EPHB1: variants seen among roughly 807,000 people sequenced by gnomAD.
EPHB1 encodes ephrin type-B receptor 1.
A neutral mutation model predicts 94.4 loss-of-function variants in EPHB1; 30 were observed. That is an observed-to-expected ratio of 0.32 (90% CI 0.24 to 0.43). The LOEUF (loss-of-function observed/expected upper bound fraction) is 0.43. EPHB1 is among the 20% of genes least tolerant of loss of function. The pLI is 1.00. For missense variants in EPHB1, 1,055 were observed against 1,308.3 expected, an observed-to-expected ratio of 0.81 and a Z score of 2.99; for synonymous variants, 522 against 489.1, an observed-to-expected ratio of 1.07 and a Z score of -0.89.
At chr3:135,182,466 G>T (rs1700213512) in intron 10 of EPHB1, among the ~76,000 whole-genome samples, 1 of 152,026 alleles carries the variant, frequency 6.6e-6, no homozygotes, top group South Asian at 2.1e-4. Context: ...GCTGGATGTG[G>T]AGTTCCAGAG....
chr3:134,833,451 G>A (rs1191620527), intron 1 of EPHB1, among the ~76,000 whole-genome samples: 2 of 152,208 alleles, frequency 1.3e-5, no homozygotes, highest in Non-Finnish European at 2.9e-5. Flanking sequence ...GGGTGGTTAG[G>A]TTTTATGGCG....
intron 10 of EPHB1, among the ~76,000 whole-genome samples, chr3:135,192,306 C>CAAACTCACATATATTCTGAAATTCCACTT (rs1243078427): frequency 1.3e-5 from 2 of 152,300 alleles, no homozygotes; most frequent in African/African-American, 4.8e-5. Context: ...TGGGGAAAAA[C>CAAACTCACATATATTCTGAAATTCCACTT]AAACTCACAT....
rs2107700030 is a variant in EPHB1 at position 135,166,969 on chromosome 3, G to A, written c.1722G>A (p.Val574=). 6.2e-7 allele frequency: 1 copy of A among 1,614,164 alleles called. No individual in the cohort carries two copies. Among genetic ancestry groups the A allele is most frequent in the South Asian group, 1.1e-5 (1 of 91,064 alleles). The part of the protein sequence containing the change: ...SRKRAYSKEA[V]YSDKLQHYST... ...AACGGGCTTATAGCAAAGAGGCTGTGTACAGCGATAAGCTCCAGCATTACA... is the reference window on the plus strand; with the variant it reads ...AACGGGCTTATAGCAAAGAGGCTGTATACAGCGATAAGCTCCAGCATTACA... Residue 574 remains valine (V), a synonymous_variant, in exon 9 of 16, where the codon GTG becomes GTA. Coordinates refer to ENST00000398015, the MANE Select transcript of EPHB1 (RefSeq NM_004441.5).
intron 3 of EPHB1, among the ~76,000 whole-genome samples, chr3:134,987,020 G>T (rs1934624424): frequency 6.6e-6 from 1 of 152,070 alleles, no homozygotes; most frequent in Non-Finnish European, 1.5e-5. Flanking sequence ...AGAATGAAGG[G>T]CATCCCTTTC....
At chr3:135,242,522 A>G (rs1331552258) in intron 13 of EPHB1, among the ~76,000 whole-genome samples, 1 of 152,168 alleles carries the variant, frequency 6.6e-6, no homozygotes, top group African/African-American at 2.4e-5. Context: ...GGGTACTTCT[A>G]TGACAGTACT....
At chr3:135,115,623 G>A (rs143697001) in intron 4 of EPHB1, among the ~76,000 whole-genome samples, 16 of 152,032 alleles carry the variant, frequency 1.1e-4, no homozygotes, top group East Asian at 7.7e-4. Context: ...AGGTGTGTCC[G>A]ATGCAGTCAA....
chr3:134,817,322 T>C (rs1399504872), intron 1 of EPHB1, among the ~76,000 whole-genome samples: 1 of 152,210 alleles, frequency 6.6e-6, no homozygotes, highest in Non-Finnish European at 1.5e-5. Flanking sequence ...CCTGCAATTC[T>C]AGTCGTCACA....
intron 2 of EPHB1, among the ~76,000 whole-genome samples, chr3:134,936,961 T>C (rs2039016823): frequency 6.6e-6 from 1 of 152,204 alleles, no homozygotes; most frequent in Admixed American, 6.5e-5. Context: ...AAGGCCAGAC[T>C]GATGTCTGCC....
intron 13 of EPHB1, among the ~76,000 whole-genome samples, chr3:135,247,552 G>A (rs988499511): frequency 6.6e-6 from 1 of 152,058 alleles, no homozygotes; most frequent in African/African-American, 2.4e-5. Flanking sequence ...AAGATGTACT[G>A]GATGAAAAAA....
At chr3:135,234,597 T>C (rs985179488) in intron 12 of EPHB1, among the ~76,000 whole-genome samples, 1 of 152,224 alleles carries the variant, frequency 6.6e-6, no homozygotes, top group Non-Finnish European at 1.5e-5. Flanking sequence ...AATAAAGACA[T>C]ACCCAAGACA....
At chr3:135,136,565 A>C (rs1940627330) in intron 5 of EPHB1, among the ~76,000 whole-genome samples, 1 of 152,226 alleles carries the variant, frequency 6.6e-6, no homozygotes, top group African/African-American at 2.4e-5. Flanking sequence ...TTTGCTCAGC[A>C]TCTCACAGCC....
At chr3:135,096,975 A>G (rs1479511991) in intron 3 of EPHB1, among the ~76,000 whole-genome samples, 3 of 151,852 alleles carry the variant, frequency 2.0e-5, no homozygotes, top group Non-Finnish European at 4.4e-5. Flanking sequence ...ACATGCCTGT[A>G]GTCCCAGCTA....
At chr3:135,166,420 T>TAAGAGAGCTCAGGCTCTCAGCAGCC (rs1941654307) in intron 8 of EPHB1, among the ~76,000 whole-genome samples, 1 of 152,052 alleles carries the variant, frequency 6.6e-6, no homozygotes, top group African/African-American at 2.4e-5. Flanking sequence ...ATCCTCCAGT[T>TAAGAGAGCTCAGGCTCTCAGCAGCC]AAGAGAGCTC....
intron 1 of EPHB1, among the ~76,000 whole-genome samples, chr3:134,850,582 C>A (rs1260453718): frequency 6.6e-6 from 1 of 152,134 alleles, no homozygotes. Context: ...AAGTGTGGGG[C>A]AGGAAGAGGC....
intron 12 of EPHB1, among the ~76,000 whole-genome samples, chr3:135,220,237 C>A (rs7652425): frequency 0.66 from 99,727 of 152,012 alleles, 33,902 homozygotes; most frequent in Middle Eastern, 0.76. Context: ...AGGGAAAGAC[C>A]AGGGCATGGC....
At chr3:135,012,673 A>T (rs1559794578) in intron 3 of EPHB1, among the ~76,000 whole-genome samples, 1 of 152,268 alleles carries the variant, frequency 6.6e-6, no homozygotes, top group East Asian at 1.9e-4. Context: ...TGGCTAATAG[A>T]GGGATACATG....
intron 3 of EPHB1, among the ~76,000 whole-genome samples, chr3:135,035,067 A>T (rs1385111394): frequency 1.3e-5 from 2 of 152,208 alleles, no homozygotes; most frequent in African/African-American, 4.8e-5. Flanking sequence ...GCTCATAGTC[A>T]TTTCTCAGGC....
At chr3:135,039,629 A>G (rs1264125211) in intron 3 of EPHB1, among the ~76,000 whole-genome samples, 1 of 152,220 alleles carries the variant, frequency 6.6e-6, no homozygotes, top group Non-Finnish European at 1.5e-5. Flanking sequence ...GTGGGCCGGC[A>G]CTGCTGGTGG....
chr3:135,188,443 C>T (rs952129403), intron 10 of EPHB1, among the ~76,000 whole-genome samples: 2 of 151,954 alleles, frequency 1.3e-5, no homozygotes, highest in African/African-American at 4.8e-5. Flanking sequence ...TGCAGTGAGT[C>T]GAGATCACGC....
Sources: allele counts gnomAD v4.1 joint callset (sites outside exome capture counted in the v4.1 genomes callset), GRCh38; gene constraint gnomAD v4.1.1; transcripts MANE v1.5; gene names NCBI Gene and HGNC (gene_info 2026-07-23, HGNC 2026-07-21).